The following PLCB4 variants were observed in gnomAD, a reference collection of about 807,000 sequenced individuals.
The protein encoded by PLCB4 is 1-phosphatidylinositol 4,5-bisphosphate phosphodiesterase beta-4.
A neutral mutation model predicts 178.8 loss-of-function variants in PLCB4; 77 were observed. That is an observed-to-expected ratio of 0.43 (90% CI 0.36 to 0.52). The LOEUF is 0.52. Among genes scored for constraint, PLCB4 ranks in the 20% least tolerant of loss-of-function variants. The pLI, the probability that PLCB4 is intolerant of heterozygous loss-of-function variation, is 0.00. For missense variants in PLCB4, 1,024 were observed against 1,453.4 expected, an observed-to-expected ratio of 0.70 and a Z score of 4.80; for synonymous variants, 496 against 490.8, an observed-to-expected ratio of 1.01 and a Z score of -0.14.
At chr20:9,227,177 C>CA (rs2093877023) in intron 3 of PLCB4, among the ~76,000 whole-genome samples, 1 of 144,854 alleles carries the variant, frequency 6.9e-6, no homozygotes, top group Non-Finnish European at 1.5e-5. Flanking sequence ...CATTGTAAGA[C>CA]TTTTTTTTTT....
intron 25 of PLCB4, among the ~76,000 whole-genome samples, chr20:9,416,247 C>A (rs1342307900): frequency 6.6e-6 from 1 of 152,232 alleles, no homozygotes; most frequent in Non-Finnish European, 1.5e-5. Context: ...ATGCTTTTGA[C>A]CCTGAGATGT....
chr20:9,457,466 C>T lies in PLCB4; in HGVS notation c.3049C>T (p.Leu1017=), dbSNP rs1249504337. ...KKETEIKIQT[L]TSDHKSKVKE... is the part of the protein sequence containing the mutation. ...AGAAACAGAAATCAAAATTCAGACG[C>T]TGACATCAGATCACAAATCTAAGGT... The change falls in exon 34 of 40, where the codon CTG becomes TTG. Residue 1017 remains leucine (L), a synonymous_variant. Transcript: ENST00000378473. The T allele has an allele frequency of 1.3e-6, 2 of 1,539,068 alleles. No homozygotes were observed. The highest frequency in any genetic ancestry group is 1.8e-6 in the Non-Finnish European group (2 of 1,111,726).
intron 32 of PLCB4, among the ~76,000 whole-genome samples, chr20:9,444,507 G>A (rs137908434): frequency 0.027 from 4,070 of 152,298 alleles, 183 homozygotes; most frequent in African/African-American, 0.09. Context: ...GCTCACGCCT[G>A]TAATCCCAGC....
At chr20:9,177,927 A>G (rs1469988617) in intron 2 of PLCB4, among the ~76,000 whole-genome samples, 1 of 152,216 alleles carries the variant, frequency 6.6e-6, no homozygotes, top group Non-Finnish European at 1.5e-5. Context: ...ACATTGTCCT[A>G]TGGTATAAAA....
chr20:9,350,152 AT>A (rs112862074), intron 7 of PLCB4, among the ~76,000 whole-genome samples: 13 of 151,708 alleles, frequency 8.6e-5, no homozygotes, highest in African/African-American at 2.4e-4. Flanking sequence ...TAAAAAATAA[AT>A]TTAAAAAAAA....
chr20:9,161,129 C>G (rs979754079), intron 2 of PLCB4, among the ~76,000 whole-genome samples: 1 of 152,068 alleles, frequency 6.6e-6, no homozygotes, highest in South Asian at 2.1e-4. Context: ...TATCATTATC[C>G]CAATTTTACA....
intron 22 of PLCB4, among the ~76,000 whole-genome samples, chr20:9,408,287 G>C (rs1458876715): frequency 9.2e-5 from 14 of 152,194 alleles, no homozygotes; most frequent in African/African-American, 3.4e-4. Flanking sequence ...GGATTTGTTA[G>C]TGCTGGGCAT....
chr20:9,165,467 A>T (rs1420731883), intron 2 of PLCB4, among the ~76,000 whole-genome samples: 3 of 152,150 alleles, frequency 2.0e-5, no homozygotes, highest in Non-Finnish European at 2.9e-5. Flanking sequence ...TGGCAAATGA[A>T]ATCTGGAGTT....
At chr20:9,070,028 G>GTT (rs11484188) in intron 1 of PLCB4, among the ~76,000 whole-genome samples, 1,669 of 150,808 alleles carry the variant, frequency 0.011, 25 homozygotes, top group African/African-American at 0.038. Context: ...CAGGAAAGGT[G>GTT]TTTTTTTTTC....
At position 9,333,031 on chromosome 20, in the gene PLCB4, C is replaced by T. The variant is rs149175097; in HGVS notation, c.85-4095C>T. ...AGTGCCCTTGTAATTGCACTTCTAT[C>T]CTTGGCAGTCTTCCAAGGACTTCCT... On this transcript the variant is annotated intron_variant, in intron 4 of 39. Transcript: ENST00000378473. Among the ~76,000 whole-genome samples the T allele has an allele frequency of 3.4e-3, 512 of 152,306 alleles. 2 individuals carry two copies. The highest frequency in any genetic ancestry group is 0.011 in the African/African-American group (477 of 41,568).
intron 2 of PLCB4, among the ~76,000 whole-genome samples, chr20:9,202,471 A>C (rs1013028993): frequency 1.3e-5 from 2 of 152,208 alleles, no homozygotes; most frequent in African/African-American, 4.8e-5. Flanking sequence ...GGGTGATCAC[A>C]TCTGCTCTTA....
In PLCB4 at chr20:9,419,861, C is replaced by T; in HGVS notation, c.2106C>T (p.Phe702=). 1 of 1,614,154 alleles carries T rather than the reference C, an allele frequency of 6.2e-7. No individual in the cohort carries two copies. The highest frequency in any genetic ancestry group is 1.1e-5 in the South Asian group (1 of 91,078). Residue 702 remains phenylalanine, a synonymous_variant, in exon 26 of 40, where the codon TTC becomes TTT. Coordinates refer to ENST00000378473, the MANE Select transcript of PLCB4 (RefSeq NM_001377142.1). ...MRRPDRTFDP[F]SETPVDGVIA... The stretch of plus-strand genomic sequence containing the variant: ...GGCCTGATCGAACATTTGACCCCTT[C>T]TCTGAAACTCCTGTTGATGGTGTTA...
chr20:9,198,345 T>C (rs539159620), intron 2 of PLCB4, among the ~76,000 whole-genome samples: 1 of 152,324 alleles, frequency 6.6e-6, no homozygotes, highest in South Asian at 2.1e-4. Flanking sequence ...TTGGTCAACA[T>C]TTATCTTGCT....
At chr20:9,427,613 C>T (rs925571914) in intron 28 of PLCB4, among the ~76,000 whole-genome samples, 5 of 152,168 alleles carry the variant, frequency 3.3e-5, no homozygotes, top group African/African-American at 1.2e-4. Context: ...CCAACGCCAC[C>T]GTAGATGGCA....
At chr20:9,314,542 G>T (rs60948803) in intron 4 of PLCB4, among the ~76,000 whole-genome samples, 1 of 152,040 alleles carries the variant, frequency 6.6e-6, no homozygotes, top group East Asian at 1.9e-4. Context: ...CAGAGAAGGG[G>T]GTACATGTAT....
intron 2 of PLCB4, among the ~76,000 whole-genome samples, chr20:9,194,534 A>G (rs2093444860): frequency 6.6e-6 from 1 of 151,776 alleles, no homozygotes; most frequent in Non-Finnish European, 1.5e-5. Flanking sequence ...TAAAAATACA[A>G]AAAATTAGCC....
chr20:9,087,559 C>T (rs1259924707), intron 1 of PLCB4, among the ~76,000 whole-genome samples: 4 of 152,202 alleles, frequency 2.6e-5, no homozygotes, highest in African/African-American at 4.8e-5. Context: ...TGTAGCTTCT[C>T]CCCTTTTTTC....
intron 2 of PLCB4, among the ~76,000 whole-genome samples, chr20:9,179,907 C>T (rs1334857250): frequency 2.0e-5 from 3 of 152,092 alleles, no homozygotes; most frequent in African/African-American, 4.8e-5. Context: ...AAACAAAACA[C>T]ACCACTATCC....
intron 10 of PLCB4, 125 bp from the exon 11 acceptor site, chr20:9,372,178 A>C: frequency 1.7e-6 from 1 of 602,930 alleles, no homozygotes; most frequent in East Asian, 2.8e-5. Flanking sequence ...GGCTTCTGTC[A>C]GCAGGAATCA....
Sources: allele counts gnomAD v4.1 joint callset (sites outside exome capture counted in the v4.1 genomes callset), GRCh38; gene constraint gnomAD v4.1.1; transcripts MANE v1.5; gene names NCBI Gene and HGNC (gene_info 2026-07-23, HGNC 2026-07-21).